RFX3: variants seen among roughly 807,000 people sequenced by gnomAD.
The protein encoded by RFX3 is transcription factor RFX3.
RFX3 carries 14 observed loss-of-function variants against 98.6 expected under a neutral mutation model. The ratio of observed to expected loss-of-function variants is 0.14; its 90% CI spans 0.09 to 0.22. The LOEUF is 0.22. Ranked by LOEUF, RFX3 falls within the 10% of genes least tolerant of loss-of-function variation. The pLI is 1.00. For missense variants in RFX3, 639 were observed against 926.9 expected (o/e 0.69, Z 4.03); for synonymous variants, 383 against 328.4 (o/e 1.17, Z -1.80).
intron 2 of RFX3, among the ~76,000 whole-genome samples, chr9:3,376,814 A>G (rs1286526797): frequency 1.3e-5 from 2 of 152,260 alleles, no homozygotes; most frequent in African/African-American, 4.8e-5. Flanking sequence ...AAAAGAAGAC[A>G]TTTATGCAGC....
At chr9:3,461,629 G>A (rs1056789936) in intron 1 of RFX3, among the ~76,000 whole-genome samples, 3 of 151,858 alleles carry the variant, frequency 2.0e-5, no homozygotes, top group Admixed American at 6.6e-5. Context: ...AAGTTGTTAA[G>A]CTGAAATATA....
rs113209751 is a variant in RFX3 at position 3,461,037 on chromosome 9, T to A, written c.-9+64710A>T. Among the ~76,000 whole-genome samples the A allele has an allele frequency of 9.7e-3, 1,467 of 151,408 alleles. 26 individuals carry two copies. The highest frequency in any genetic ancestry group is 0.034 in the African/African-American group (1,398 of 41,440). Reference sequence around the variant, plus strand: ...TAGTTTTGGTACATTTTAACATTCATCGCTGAGATTTACTATTTCTTATTT... The same window carrying A: ...TAGTTTTGGTACATTTTAACATTCAACGCTGAGATTTACTATTTCTTATTT... On this transcript the variant is annotated intron_variant, in intron 1 of 16. Coordinates refer to ENST00000617270, the MANE Select transcript of RFX3 (RefSeq NM_001282116.2).
chr9:3,391,264 A>C (rs938501772), intron 2 of RFX3, among the ~76,000 whole-genome samples: 4 of 152,180 alleles, frequency 2.6e-5, no homozygotes, highest in African/African-American at 9.7e-5. Flanking sequence ...TAGACAATTT[A>C]TATCCACGGG....
At chr9:3,454,769 G>A (rs1306531662) in intron 1 of RFX3, among the ~76,000 whole-genome samples, 1 of 151,968 alleles carries the variant, frequency 6.6e-6, no homozygotes, top group Non-Finnish European at 1.5e-5. Flanking sequence ...TTTATATAAT[G>A]CTTTACAGTT....
chr9:3,471,099 G>A (rs924503754), intron 1 of RFX3, among the ~76,000 whole-genome samples: 1 of 152,138 alleles, frequency 6.6e-6, no homozygotes, highest in African/African-American at 2.4e-5. Flanking sequence ...CAAAAAGATT[G>A]TGGTGCTTTG....
At chr9:3,430,335 A>G (rs1044962370) in intron 1 of RFX3, among the ~76,000 whole-genome samples, 2 of 152,212 alleles carry the variant, frequency 1.3e-5, no homozygotes, top group Non-Finnish European at 2.9e-5. Flanking sequence ...TTAATTAGAA[A>G]GCATAGATCC....
chr9:3,441,308 T>TGAGAGA (rs562907863), intron 1 of RFX3, among the ~76,000 whole-genome samples: 6 of 147,190 alleles, frequency 4.1e-5, no homozygotes, highest in Admixed American at 6.8e-5. Context: ...GCTACAGAAT[T>TGAGAGA]GAGAGAGAGA....
intron 3 of RFX3, among the ~76,000 whole-genome samples, chr9:3,333,997 T>C (rs1465892533): frequency 4.6e-5 from 7 of 152,208 alleles, no homozygotes; most frequent in Non-Finnish European, 8.8e-5. Flanking sequence ...GGTGAATAAC[T>C]GAAGTTTGGA....
chr9:3,291,662 T>C (rs1262155244), intron 6 of RFX3, among the ~76,000 whole-genome samples: 3 of 152,138 alleles, frequency 2.0e-5, no homozygotes, highest in Non-Finnish European at 4.4e-5. Context: ...TGTTAATCTT[T>C]CGTTATAGGG....
At chr9:3,521,696 A>T (rs1318097973) in intron 1 of RFX3, among the ~76,000 whole-genome samples, 2 of 152,220 alleles carry the variant, frequency 1.3e-5, no homozygotes, top group Non-Finnish European at 2.9e-5. Context: ...ATAGCAGTAA[A>T]TGAAGTCAGG....
chr9:3,342,340 C>T (rs1408394391), intron 3 of RFX3, among the ~76,000 whole-genome samples: 1 of 152,028 alleles, frequency 6.6e-6, no homozygotes, highest in African/African-American at 2.4e-5. Flanking sequence ...CTTGTGTAAC[C>T]ACAGAACTCT....
chr9:3,328,209 T>C (rs1013050022), intron 4 of RFX3, among the ~76,000 whole-genome samples: 1 of 152,142 alleles, frequency 6.6e-6, no homozygotes, highest in African/African-American at 2.4e-5. Flanking sequence ...TAAGTGGTAT[T>C]TTCCTTTCAC....
chr9:3,493,700 AATAT>A (rs1288255611), intron 1 of RFX3, among the ~76,000 whole-genome samples: 2,047 of 71,696 alleles, frequency 0.029, 82 homozygotes, highest in African/African-American at 0.074. Context: ...AAAAAAAAAA[AATAT>A]ATATATATAT....
At chr9:3,324,202 C>A in intron 4 of RFX3, 1 of 224,724 alleles carries the variant, frequency 4.4e-6, no homozygotes, top group South Asian at 6.5e-5. Flanking sequence ...AATATTGAGG[C>A]TAACTGTAAA....
chr9:3,330,484 C>G lies in RFX3; in HGVS notation c.249G>C (p.Gln83His). ...TCCCTCCAGTATTTTGGCTGTACAT[C>G]TGTGTCTCTGTGTAAGGATACGTTG... ...RTTTYPYTET[Q>H]MYSQNTGGNY... Residue 83 changes from glutamine to histidine, a missense_variant, in exon 4 of 17, where the codon CAG becomes CAC. Gln to His is a conservative substitution (Grantham distance 24, BLOSUM62 0). Transcript: ENST00000617270. 6.2e-7 allele frequency: 1 copy of G among 1,613,932 alleles called. No individual in the cohort carries two copies. Among genetic ancestry groups the G allele is most frequent in the Non-Finnish European group, 8.5e-7 (1 of 1,179,886 alleles).
At chr9:3,446,819 A>G (rs576522055) in intron 1 of RFX3, among the ~76,000 whole-genome samples, 1 of 152,232 alleles carries the variant, frequency 6.6e-6, no homozygotes, top group African/African-American at 2.4e-5. Flanking sequence ...TAAAATGGAA[A>G]TAATTTGGGT....
chr9:3,341,191 G>A (rs572170471), intron 3 of RFX3, among the ~76,000 whole-genome samples: 1 of 152,096 alleles, frequency 6.6e-6, no homozygotes, highest in South Asian at 2.1e-4. Flanking sequence ...ACTCACAGGC[G>A]GGAATTGAAC....
chr9:3,293,451 T>C (rs1036826739), intron 5 of RFX3, among the ~76,000 whole-genome samples, 193 bp from the exon 6 acceptor site: 3 of 152,240 alleles, frequency 2.0e-5, no homozygotes, highest in Non-Finnish European at 2.9e-5. Context: ...TAGCTGAACA[T>C]CACTAAGGAT....
intron 2 of RFX3, among the ~76,000 whole-genome samples, chr9:3,363,106 C>T (rs986171039): frequency 6.6e-5 from 10 of 152,080 alleles, no homozygotes; most frequent in Admixed American, 5.9e-4. Context: ...TGCTAAGATT[C>T]TACTAAACTA....
Sources: allele counts gnomAD v4.1 joint callset (sites outside exome capture counted in the v4.1 genomes callset), GRCh38; gene constraint gnomAD v4.1.1; transcripts MANE v1.5; gene names NCBI Gene and HGNC (gene_info 2026-07-23, HGNC 2026-07-21).